Variants in KCNAB1 observed in about 807,000 individuals in gnomAD.
KCNAB1 encodes the protein voltage-gated potassium channel subunit beta-1.
A neutral mutation model predicts 64.6 loss-of-function variants in KCNAB1; 35 were observed. That is an observed-to-expected ratio of 0.54 (90% CI 0.41 to 0.72). The LOEUF is 0.72. Among genes scored for constraint, KCNAB1 ranks in the 30% least tolerant of loss-of-function variants. The pLI is 0.00. For synonymous variants in KCNAB1, 177 were observed against 183.8 expected (o/e 0.96, Z 0.30); for missense variants, 401 against 512.9 (o/e 0.78, Z 2.11).
chr3:156,508,538 T>G lies in KCNAB1; in HGVS notation c.659-5826T>G, dbSNP rs1716966040. Among the ~76,000 whole-genome samples the G allele has an allele frequency of 6.6e-6, 1 of 152,220 alleles. No individual in the cohort carries two copies. The highest frequency in any genetic ancestry group is 2.4e-5 in the African/African-American group (1 of 41,458). On this transcript the variant is annotated intron_variant, in intron 8 of 13. Transcript: ENST00000490337. This position sits in a 1 kb window ranked among gnomAD's most constrained non-coding sequence, Gnocchi z 4.1. ...TTTCTTTGACATAAAATGCATATTT[T>G]TTAAAACATTGATGGCCTACATTAC...
At chr3:156,292,221 T>G in intron 1 of KCNAB1, 2 of 1,381,176 alleles carry the variant, frequency 1.4e-6, no homozygotes, top group African/African-American at 2.8e-5. Context: ...GATTTACTCA[T>G]CAGTGGGTTG....
chr3:156,205,941 T>C (rs1714630946), intron 1 of KCNAB1, among the ~76,000 whole-genome samples: 1 of 152,248 alleles, frequency 6.6e-6, no homozygotes, highest in Non-Finnish European at 1.5e-5. Flanking sequence ...GAAGACGTCA[T>C]GCTCTTTTAT....
chr3:156,336,791 T>C (rs936737417), intron 1 of KCNAB1, among the ~76,000 whole-genome samples: 1 of 152,212 alleles, frequency 6.6e-6, no homozygotes, highest in Non-Finnish European at 1.5e-5. Flanking sequence ...GAACCAGTTG[T>C]GGAGTTTGGT....
chr3:156,406,896 C>T (rs1206079029), intron 1 of KCNAB1, among the ~76,000 whole-genome samples: 2 of 152,122 alleles, frequency 1.3e-5, no homozygotes, highest in African/African-American at 4.8e-5. Flanking sequence ...CAAGGTGATG[C>T]CTAGGTTCCA....
At chr3:156,167,943 C>T (rs1711704807) in intron 1 of KCNAB1, among the ~76,000 whole-genome samples, 1 of 152,072 alleles carries the variant, frequency 6.6e-6, no homozygotes, top group African/African-American at 2.4e-5. Flanking sequence ...TGGCTCATGC[C>T]TATAATCCTA....
intron 8 of KCNAB1, among the ~76,000 whole-genome samples, chr3:156,496,300 G>A (rs1716003712): frequency 3.3e-5 from 5 of 152,162 alleles, no homozygotes; most frequent in Admixed American, 1.3e-4. Flanking sequence ...ATCCCCACGT[G>A]TCTTGGGAGA....
intron 2 of KCNAB1, among the ~76,000 whole-genome samples, chr3:156,427,540 AATGACTGGAGAG>A (rs1180508036): frequency 2.6e-5 from 4 of 152,190 alleles, no homozygotes; most frequent in African/African-American, 9.7e-5. Context: ...TTTTTGAGTG[AATGACTGGAGAG>A]ATGATCAATT....
chr3:156,293,065 C>G (rs1001720203), intron 1 of KCNAB1, among the ~76,000 whole-genome samples: 3 of 152,212 alleles, frequency 2.0e-5, no homozygotes, highest in Non-Finnish European at 4.4e-5. Flanking sequence ...TCCTCATCCC[C>G]TATGTTGTTT....
intron 1 of KCNAB1, among the ~76,000 whole-genome samples, chr3:156,212,064 TGTAAG>T (rs1351682547): frequency 6.6e-6 from 1 of 152,166 alleles, no homozygotes; most frequent in Non-Finnish European, 1.5e-5. Context: ...AAGGAAGCCT[TGTAAG>T]GGAACTTCAT....
chr3:156,395,053 T>G (rs1713324964), intron 1 of KCNAB1, among the ~76,000 whole-genome samples: 1 of 152,200 alleles, frequency 6.6e-6, no homozygotes, highest in Non-Finnish European at 1.5e-5. Context: ...CTAAATTAAT[T>G]TTCTTAAGTT....
At chr3:156,339,505 A>T (rs1723953512) in intron 1 of KCNAB1, among the ~76,000 whole-genome samples, 1 of 152,180 alleles carries the variant, frequency 6.6e-6, no homozygotes, top group South Asian at 2.1e-4. Flanking sequence ...CAAAGGTGAC[A>T]AGTTGCAGAA....
chr3:156,483,818 C>A (rs184993776), intron 8 of KCNAB1, among the ~76,000 whole-genome samples: 3 of 152,230 alleles, frequency 2.0e-5, no homozygotes, highest in Admixed American at 1.3e-4. Context: ...TTCTGATATG[C>A]ATCTATAAGA....
chr3:156,315,451 C>G (rs187545723), intron 1 of KCNAB1, among the ~76,000 whole-genome samples: 2 of 152,308 alleles, frequency 1.3e-5, no homozygotes, highest in Admixed American at 1.3e-4. Flanking sequence ...TCACTGAGGT[C>G]CCTGGAATTC....
intron 1 of KCNAB1, among the ~76,000 whole-genome samples, chr3:156,341,013 A>G (rs550923219): frequency 2.0e-5 from 3 of 152,066 alleles, no homozygotes; most frequent in East Asian, 3.9e-4. Flanking sequence ...GAAAAGAGAC[A>G]CTCCTCCTGT....
intron 1 of KCNAB1, among the ~76,000 whole-genome samples, chr3:156,161,201 C>T (rs1184625744): frequency 6.6e-6 from 1 of 152,156 alleles, no homozygotes; most frequent in Admixed American, 6.5e-5. Flanking sequence ...TCTGTGTCTG[C>T]CCTTTAAGAG....
At chr3:156,276,524 G>A (rs967375504) in intron 1 of KCNAB1, among the ~76,000 whole-genome samples, 1 of 152,174 alleles carries the variant, frequency 6.6e-6, no homozygotes, top group African/African-American at 2.4e-5. Context: ...ACAAAAGAAG[G>A]CTATTTTGTC....
At chr3:156,360,431 T>G (rs1725526410) in intron 1 of KCNAB1, among the ~76,000 whole-genome samples, 1 of 152,212 alleles carries the variant, frequency 6.6e-6, no homozygotes, top group African/African-American at 2.4e-5. Context: ...TAAACTTAGC[T>G]GGGCACACTG....
intron 1 of KCNAB1, among the ~76,000 whole-genome samples, chr3:156,215,064 C>T (rs1296781480): frequency 2.0e-5 from 3 of 152,204 alleles, no homozygotes; most frequent in African/African-American, 7.2e-5. Context: ...TAATTGTTCT[C>T]ATTTCTGAGT....
In KCNAB1 at chr3:156,537,129, C is replaced by T. The variant is rs372256136; in HGVS notation, c.*382C>T. 1.5e-5 allele frequency: 6 copies of T among 399,620 alleles called. No homozygotes were observed. Among genetic ancestry groups the T allele is most frequent in the East Asian group, 7.1e-5 (2 of 28,146 alleles). The allele number at this position is 399,620 out of a possible 1,614,324, so 24.8% of individuals were successfully genotyped here. A position where few individuals can be genotyped will look rare whatever the true frequency, so the allele number is the denominator to read the frequency against. On this transcript the variant is annotated 3_prime_UTR_variant, in exon 14 of 14. Coordinates refer to ENST00000490337, the MANE Select transcript of KCNAB1 (RefSeq NM_172160.3). ...AAATCCACAGATGCAATGTGAGTTGCGTAAGAAACAGAGTAGATAGACTAA... is the reference window on the plus strand; with the variant it reads ...AAATCCACAGATGCAATGTGAGTTGTGTAAGAAACAGAGTAGATAGACTAA...
Sources: gnomAD v4.1 joint callset for allele counts (sites outside exome capture counted in the v4.1 genomes callset) on GRCh38, gnomAD v4.1.1 for gene constraint, Gnocchi (gnomAD v3.1) non-coding constraint, MANE v1.5 for transcripts, NCBI Gene and HGNC (gene_info 2026-07-23, HGNC 2026-07-21) for gene names.